ACADSB: variants seen among roughly 807,000 people sequenced by gnomAD.
ACADSB encodes the protein short/branched chain specific acyl-CoA dehydrogenase, mitochondrial.
Under a neutral mutation model 54.1 loss-of-function variants are expected in ACADSB, and 40 were observed. The observed-to-expected ratio is 0.74, with a 90% CI of 0.57 to 0.96. The LOEUF (loss-of-function observed/expected upper bound fraction) is 0.96, where lower values mean the gene tolerates loss of function less well. Among genes scored for constraint, ACADSB ranks in the 40% least tolerant of loss-of-function variants. ACADSB has a pLI of 0.00. For synonymous variants in ACADSB, 182 were observed against 182.8 expected (o/e 1.00, Z 0.03); for missense variants, 530 against 510.4 (o/e 1.04, Z -0.37).
At chr10:123,009,412 T>C (rs919954933) in intron 1 of ACADSB, among the ~76,000 whole-genome samples, 3 of 152,176 alleles carry the variant, frequency 2.0e-5, no homozygotes, top group Non-Finnish European at 4.4e-5. Flanking sequence ...TGGATGCATT[T>C]TGCACAGATG....
chr10:123,034,038 A>G (rs1440758344), intron 1 of ACADSB, among the ~76,000 whole-genome samples: 1 of 152,212 alleles, frequency 6.6e-6, no homozygotes, highest in Non-Finnish European at 1.5e-5. Context: ...CTATAGTTCC[A>G]GTTTCCCCTT....
At chr10:123,031,065 G>A (rs1350828451) in intron 1 of ACADSB, among the ~76,000 whole-genome samples, 1 of 152,202 alleles carries the variant, frequency 6.6e-6, no homozygotes, top group Non-Finnish European at 1.5e-5. Flanking sequence ...CTGTGAATTT[G>A]AAGTAGTGAA....
chr10:123,013,959 C>T (rs1057087962), intron 1 of ACADSB, among the ~76,000 whole-genome samples: 2 of 152,222 alleles, frequency 1.3e-5, no homozygotes, highest in South Asian at 2.1e-4. Flanking sequence ...CACGGTGCAG[C>T]GGTGGGCTGA....
At chr10:123,036,853 A>G (rs540730231) in intron 2 of ACADSB, among the ~76,000 whole-genome samples, 53 of 152,222 alleles carry the variant, frequency 3.5e-4, no homozygotes, top group Non-Finnish European at 5.9e-4. Context: ...GAGATTCTAC[A>G]TAATGAGAGT....
rs755999073 is a variant in ACADSB at position 123,053,792 on chromosome 10, G to T, written c.*27G>T. Reference sequence around the variant, plus strand: ...GTCTATAGGAGTGGGACCCCTCCCTGGTGTCACTGCTGTAAAATTTTAAAC... The same window carrying T: ...GTCTATAGGAGTGGGACCCCTCCCTTGTGTCACTGCTGTAAAATTTTAAAC... On this transcript the variant is annotated 3_prime_UTR_variant, in exon 11 of 11. Transcript: ENST00000358776. 2 of 1,591,824 alleles carry T rather than the reference G, an allele frequency of 1.3e-6. No individual in the cohort carries two copies. The highest frequency in any genetic ancestry group is 1.7e-6 in the Non-Finnish European group (2 of 1,159,736).
Position 123,023,919 on chromosome 10 carries a change from C to T in ACADSB, c.43-10437C>T, listed in dbSNP as rs540298170. Among the ~76,000 whole-genome samples, 5 of 152,328 alleles carry T rather than the reference C, an allele frequency of 3.3e-5. No homozygotes were observed. The East Asian group carries it at 9.6e-4, about 29-fold the overall frequency. On this transcript the variant is annotated intron_variant, in intron 1 of 10. Transcript: ENST00000358776. ...CTCAGAACCTCTGCCTAGGGTGTCC[C>T]CTTTGGAGAGGTTGAAGTCTGGAGT...
chr10:123,038,673 G>A (rs1206223526), intron 3 of ACADSB, among the ~76,000 whole-genome samples: 3 of 152,174 alleles, frequency 2.0e-5, no homozygotes, highest in Non-Finnish European at 4.4e-5. Flanking sequence ...CATCTGGTTT[G>A]AAAAATAACC....
chr10:123,056,990 A>C lies in ACADSB; in HGVS notation c.*3225A>C, dbSNP rs1850717337. On this transcript the variant is annotated 3_prime_UTR_variant, in exon 11 of 11. Transcript: ENST00000358776. ...TCAAATGGAGAGATGATGAAAACCC[A>C]CTCATTCACTCTTTCAGAACAAAAA... 6.5e-6 allele frequency: 1 copy of C among 152,736 alleles called. No individual in the cohort carries two copies. The highest frequency in any genetic ancestry group is 1.9e-4 in the East Asian group (1 of 5,182). 9.5% of individuals were successfully genotyped at this position (152,736 alleles called of 1,614,324 possible).
chr10:123,014,923 G>T (rs10794583), intron 1 of ACADSB, among the ~76,000 whole-genome samples: 115,349 of 152,114 alleles, frequency 0.76, 44,599 homozygotes, highest in Non-Finnish European at 0.84. Context: ...TTGCAGAAGG[G>T]TGGAATGGGT....
intron 1 of ACADSB, among the ~76,000 whole-genome samples, chr10:123,028,194 G>T (rs1486216113): frequency 6.6e-6 from 1 of 152,024 alleles, no homozygotes; most frequent in Non-Finnish European, 1.5e-5. Context: ...TAAATCTCAG[G>T]GACATTCTTT....
In ACADSB at chr10:123,056,410, AC is replaced by A. The variant is rs1850708790; in HGVS notation, c.*2646del. The stretch of plus-strand genomic sequence containing the variant: ...TGAGACTTACTATCATGAGAATAGC[AC>A]AGGAAAGACTGGCCCCCCTGATTCG... On this transcript the variant is annotated 3_prime_UTR_variant, in exon 11 of 11. Coordinates refer to ENST00000358776, the MANE Select transcript of ACADSB (RefSeq NM_001609.4). 6.0e-6 allele frequency: 1 copy of A among 166,052 alleles called. No individual in the cohort carries two copies. The highest frequency in any genetic ancestry group is 6.3e-5 in the Admixed American group (1 of 15,864). 10.3% of individuals were successfully genotyped at this position (166,052 alleles called of 1,614,324 possible).
At chr10:123,043,694 G>A (rs1404740066) in intron 6 of ACADSB, among the ~76,000 whole-genome samples, 3 of 152,066 alleles carry the variant, frequency 2.0e-5, no homozygotes, top group South Asian at 4.1e-4. Flanking sequence ...GCATGGCTGT[G>A]GGGAGTGAGG....
rs114448481 is a variant in ACADSB, at chr10:123,037,268, C to G, written c.203-479C>G. On this transcript the variant is annotated intron_variant, in intron 2 of 10. Coordinates refer to ENST00000358776, the MANE Select transcript of ACADSB (RefSeq NM_001609.4). ...CTGTATGACCAAGCAGCTATGAAAA[C>G]GACCAGGTTAGATGGGATATGCTGA... Among the ~76,000 whole-genome samples, 746 of 152,264 alleles carry G rather than the reference C, an allele frequency of 4.9e-3. 3 individuals are homozygous for G. The highest frequency in any genetic ancestry group is 0.017 in the African/African-American group (710 of 41,544).
At position 123,041,338 on chromosome 10, in the gene ACADSB, G is replaced by T. The variant is rs145529589; in HGVS notation, c.640G>T (p.Ala214Ser). 2 of 1,614,180 alleles carry T rather than the reference G, an allele frequency of 1.2e-6. No individual in the cohort carries two copies. Among genetic ancestry groups the T allele is most frequent in the Admixed American group, 3.3e-5 (2 of 60,028 alleles). ...SKMWISSAEH[A>S]GLFLVMANVD... is the part of the protein sequence containing the mutation. The stretch of plus-strand genomic sequence containing the variant: ...GATGTGGATCAGCAGTGCTGAGCAC[G>T]CAGGGCTCTTTCTGGTGATGGCAAA... The change falls in exon 5 of 11, where the codon GCA becomes TCA. Residue 214 changes from alanine (A) to serine (S), a missense_variant. Physicochemically the swap from Ala to Ser is moderately conservative, Grantham distance 99 (BLOSUM62 1). Coordinates refer to ENST00000358776, the MANE Select transcript of ACADSB (RefSeq NM_001609.4).
At chr10:123,009,202 C>T (rs1849961943) in intron 1 of ACADSB, 131 bp downstream of exon 1, 1 of 1,047,002 alleles carries the variant, frequency 9.6e-7, no homozygotes, top group African/African-American at 1.6e-5. Flanking sequence ...GGTCCCCAGA[C>T]TCTTTACCCG....
intron 1 of ACADSB, among the ~76,000 whole-genome samples, chr10:123,029,592 A>G (rs539424100): frequency 5.8e-4 from 89 of 152,302 alleles, no homozygotes; most frequent in African/African-American, 2.0e-3. Flanking sequence ...TTAACTCTAT[A>G]CTATATTTTC....
intron 2 of ACADSB, among the ~76,000 whole-genome samples, chr10:123,034,765 A>G (rs1039457075): frequency 6.6e-6 from 1 of 152,230 alleles, no homozygotes; most frequent in Non-Finnish European, 1.5e-5. Flanking sequence ...ATGCATATCC[A>G]ATATTAAAAC....
In ACADSB at chr10:123,052,778, C is replaced by A. The variant is rs191160418; in HGVS notation, c.1129-283C>A. 1.4e-4 allele frequency: 58 copies of A among 418,396 alleles called. No homozygotes were observed. The East Asian group carries it at 3.0e-3, about 22-fold the overall frequency. 25.9% of individuals were successfully genotyped at this position (418,396 alleles called of 1,614,324 possible). ...AATGTCCCTTAGCTCGTCCGTTAGG[C>A]CCCCAGTAAACATTTCCTGAATAAA... On this transcript the variant is annotated intron_variant, in intron 9 of 10. Coordinates refer to ENST00000358776, the MANE Select transcript of ACADSB (RefSeq NM_001609.4). This position sits in a 1 kb window ranked among gnomAD's most constrained non-coding sequence, Gnocchi z 4.2.
chr10:123,047,127 A>G, intron 7 of ACADSB, 82 bp from the exon 8 acceptor site: 1 of 1,151,422 alleles, frequency 8.7e-7, no homozygotes, highest in Middle Eastern at 2.7e-4. Flanking sequence ...CATTCAATTT[A>G]TGTTTAGAGG....
Sources: allele counts gnomAD v4.1 joint callset (sites outside exome capture counted in the v4.1 genomes callset), GRCh38; gene constraint gnomAD v4.1.1; non-coding constraint Gnocchi (gnomAD v3.1); transcripts MANE v1.5; gene names NCBI Gene and HGNC (gene_info 2026-07-23, HGNC 2026-07-21).